IMMP2L: variants seen among roughly 807,000 people sequenced by gnomAD.
IMMP2L encodes the protein inner mitochondrial membrane peptidase subunit 2.
A neutral mutation model predicts 19.3 loss-of-function variants in IMMP2L; 18 were observed. That is an observed-to-expected ratio of 0.93 (90% confidence interval 0.64 to 1.38). IMMP2L has a LOEUF of 1.38. Among genes scored for constraint, IMMP2L ranks in the 40% most tolerant of loss-of-function variants. The pLI, the probability that IMMP2L is intolerant of heterozygous loss-of-function variation, is 0.00. For missense variants in IMMP2L, 233 were observed against 218.2 expected (o/e 1.07, Z -0.43); for synonymous variants, 76 against 73.0 (o/e 1.04, Z -0.21).
intron 3 of IMMP2L, among the ~76,000 whole-genome samples, chr7:111,340,540 C>G (rs901142554): frequency 6.6e-6 from 1 of 151,970 alleles, no homozygotes; most frequent in Non-Finnish European, 1.5e-5. Flanking sequence ...TTGGAGAATT[C>G]TTTAGCTGTA....
intron 3 of IMMP2L, among the ~76,000 whole-genome samples, chr7:111,035,141 C>T (rs1791209007): frequency 6.6e-6 from 1 of 152,132 alleles, no homozygotes; most frequent in Non-Finnish European, 1.5e-5. Context: ...GTAACTGCTT[C>T]TCCAAGCTTA....
At chr7:111,558,135 A>C (rs1468116206) in intron 1 of IMMP2L, among the ~76,000 whole-genome samples, 1 of 152,208 alleles carries the variant, frequency 6.6e-6, no homozygotes, top group Non-Finnish European at 1.5e-5. Flanking sequence ...TCAACAGAGA[A>C]GCCAGAGAAA....
intron 3 of IMMP2L, among the ~76,000 whole-genome samples, chr7:111,344,181 C>T (rs1827305670): frequency 6.6e-6 from 1 of 152,214 alleles, no homozygotes; most frequent in South Asian, 2.1e-4. Context: ...TCCTACCATC[C>T]TATTAATGAT....
chr7:111,522,950 A>T (rs776182250), intron 1 of IMMP2L, among the ~76,000 whole-genome samples: 1 of 116,026 alleles, frequency 8.6e-6, no homozygotes, highest in Non-Finnish European at 1.8e-5. Flanking sequence ...ATTTCACCAT[A>T]AAAAAAGAAT....
chr7:110,963,101 A>C, intron 4 of IMMP2L: 2 of 1,516,744 alleles, frequency 1.3e-6, no homozygotes, highest in Non-Finnish European at 1.8e-6. Context: ...CTATGAGTAC[A>C]AAAGAGTCCT....
chr7:110,705,911 T>C (rs184172409), intron 5 of IMMP2L, among the ~76,000 whole-genome samples: 1 of 152,244 alleles, frequency 6.6e-6, no homozygotes, highest in East Asian at 1.9e-4. Flanking sequence ...TTTTTATGGC[T>C]GCGTAGTATT....
At chr7:111,424,947 T>A (rs1332277196) in intron 3 of IMMP2L, among the ~76,000 whole-genome samples, 2 of 151,782 alleles carry the variant, frequency 1.3e-5, no homozygotes, top group Non-Finnish European at 2.9e-5. Flanking sequence ...TTATATGGCA[T>A]AATGGAATGC....
intron 5 of IMMP2L, among the ~76,000 whole-genome samples, chr7:110,868,451 T>C (rs1389573406): frequency 2.6e-5 from 4 of 152,072 alleles, no homozygotes; most frequent in African/African-American, 7.2e-5. Context: ...ATTTTTATAA[T>C]TGTGATCATC....
At chr7:111,445,393 GA>G (rs561848657) in intron 3 of IMMP2L, among the ~76,000 whole-genome samples, 205 of 148,836 alleles carry the variant, frequency 1.4e-3, no homozygotes, top group Middle Eastern at 7.1e-3. Flanking sequence ...CTAGAAGAAT[GA>G]AAAAAAAATA....
intron 3 of IMMP2L, among the ~76,000 whole-genome samples, chr7:111,400,776 G>A (rs552924859): frequency 2.4e-4 from 37 of 152,120 alleles, no homozygotes; most frequent in African/African-American, 7.0e-4. Flanking sequence ...TTGGAAATGC[G>A]TATGACATTA....
chr7:110,838,091 T>C (rs905581513), intron 5 of IMMP2L, among the ~76,000 whole-genome samples: 2 of 152,210 alleles, frequency 1.3e-5, no homozygotes, highest in East Asian at 1.9e-4. Flanking sequence ...TAGGTAGAAA[T>C]AGTAGTTAGA....
At chr7:110,802,942 T>C (rs1332983936) in intron 5 of IMMP2L, among the ~76,000 whole-genome samples, 1 of 152,140 alleles carries the variant, frequency 6.6e-6, no homozygotes, top group South Asian at 2.1e-4. Context: ...GCTAACAGTC[T>C]AGAAGGATAA....
intron 3 of IMMP2L, among the ~76,000 whole-genome samples, chr7:111,228,763 T>C (rs1264423300): frequency 1.3e-5 from 2 of 152,100 alleles, no homozygotes; most frequent in Admixed American, 1.3e-4. Flanking sequence ...CATTTAAATA[T>C]AGCATATCCT....
chr7:111,065,391 T>C (rs1438847397), intron 3 of IMMP2L, among the ~76,000 whole-genome samples: 1 of 152,300 alleles, frequency 6.6e-6, no homozygotes, highest in African/African-American at 2.4e-5. Flanking sequence ...TTAGGTATGA[T>C]CTCAGGAGAT....
intron 5 of IMMP2L, among the ~76,000 whole-genome samples, chr7:110,793,241 G>A (rs1489109042): frequency 6.6e-6 from 1 of 151,984 alleles, no homozygotes. Flanking sequence ...CCAACATGGT[G>A]AAACTCCGTC....
intron 4 of IMMP2L, among the ~76,000 whole-genome samples, chr7:110,894,752 T>C (rs1193635137): frequency 6.6e-6 from 1 of 152,196 alleles, no homozygotes; most frequent in East Asian, 1.9e-4. Context: ...AATACATGTT[T>C]TTCATAAGAA....
intron 3 of IMMP2L, among the ~76,000 whole-genome samples, chr7:111,146,561 A>G (rs1803499896): frequency 6.6e-6 from 1 of 152,066 alleles, no homozygotes; most frequent in African/African-American, 2.4e-5. Context: ...CCAGCAGCCT[A>G]GGCAGAGTTA....
intron 3 of IMMP2L, among the ~76,000 whole-genome samples, chr7:111,102,682 C>T (rs777275063): frequency 3.3e-5 from 5 of 151,488 alleles, no homozygotes; most frequent in Admixed American, 6.6e-5. Context: ...TTTGAAGTTT[C>T]ATACCTATCT....
chr7:111,427,217 T>A (rs912046100), intron 3 of IMMP2L, among the ~76,000 whole-genome samples: 1 of 151,612 alleles, frequency 6.6e-6, no homozygotes, highest in African/African-American at 2.4e-5. Context: ...TCTAAAAAAA[T>A]TCCCAGCGAC....
Sources: gnomAD v4.1 joint callset for allele counts (sites outside exome capture counted in the v4.1 genomes callset) on GRCh38, gnomAD v4.1.1 for gene constraint, MANE v1.5 for transcripts, NCBI Gene and HGNC (gene_info 2026-07-23, HGNC 2026-07-21) for gene names.